The following PPARGC1A variants were observed in gnomAD, a reference collection of about 807,000 sequenced individuals.
PPARGC1A encodes peroxisome proliferator-activated receptor gamma coactivator 1-alpha.
Under a neutral mutation model 88.7 loss-of-function variants are expected in PPARGC1A, and 25 were observed. That is an observed-to-expected ratio of 0.28 (90% confidence interval 0.21 to 0.39). The LOEUF (loss-of-function observed/expected upper bound fraction) is 0.39. PPARGC1A is among the 10% of genes least tolerant of loss of function. The probability of loss-of-function intolerance (pLI) is 1.00; values close to 1 mark genes in which losing one functional copy is unlikely to be tolerated. For missense variants in PPARGC1A, 880 were observed against 968.7 expected (o/e 0.91, Z 1.22); for synonymous variants, 363 against 355.6 (o/e 1.02, Z -0.24).
At chr4:23,831,398 C>G in intron 3 of PPARGC1A, 159 bp downstream of exon 3, 3 of 582,510 alleles carry the variant, frequency 5.2e-6, no homozygotes, top group Non-Finnish European at 8.9e-6. Context: ...CACTTTTAAA[C>G]AGAGAATCAC....
At chr4:23,963,474 A>G in the PPARGC1A span, among the ~76,000 whole-genome samples, 1 of 152,128 alleles carries the variant, frequency 6.6e-6, no homozygotes, top group Non-Finnish European at 1.5e-5. Flanking sequence ...TCATCTATGT[A>G]TAATTTCTGT....
chr4:24,096,188 G>A, the PPARGC1A span, among the ~76,000 whole-genome samples: 77 of 152,150 alleles, frequency 5.1e-4, no homozygotes, highest in Non-Finnish European at 9.1e-4. Context: ...GCCACCATGC[G>A]AAGAAGGCGC....
At chr4:23,952,865 TA>T in the PPARGC1A span, among the ~76,000 whole-genome samples, 2 of 152,090 alleles carry the variant, frequency 1.3e-5, no homozygotes, top group East Asian at 3.9e-4. Flanking sequence ...CCTCTCTCAA[TA>T]GTTCTTTCAT....
chr4:24,207,454 A>AGAAAATGGT, the PPARGC1A span, among the ~76,000 whole-genome samples: 1 of 152,248 alleles, frequency 6.6e-6, no homozygotes, highest in Non-Finnish European at 1.5e-5. Flanking sequence ...TCAGCAAGTC[A>AGAAAATGGT]GAAAATGGTG....
At chr4:24,465,405 C>T in the PPARGC1A span, among the ~76,000 whole-genome samples, 1 of 152,102 alleles carries the variant, frequency 6.6e-6, no homozygotes, top group Non-Finnish European at 1.5e-5. Context: ...TTCAAAAGGA[C>T]CAAAAAGTCA....
chr4:24,181,995 A>C, the PPARGC1A span, among the ~76,000 whole-genome samples: 64 of 151,948 alleles, frequency 4.2e-4, 1 homozygote, highest in African/African-American at 1.5e-3. Context: ...ACTTTTTTTT[A>C]ATTTTACTTT....
intron 2 of PPARGC1A, among the ~76,000 whole-genome samples, chr4:23,833,528 C>T (rs146650778): frequency 1.3e-5 from 2 of 152,320 alleles, no homozygotes; most frequent in East Asian, 3.9e-4. Context: ...AGTACCCACA[C>T]TTCCTTTCTC....
At chr4:23,880,877 G>A (rs999040512) in intron 2 of PPARGC1A, 1 of 152,148 alleles carries the variant, frequency 6.6e-6, no homozygotes, top group East Asian at 1.9e-4. Flanking sequence ...ACCTAGAGAC[G>A]ACTGCATTCT....
the PPARGC1A span, among the ~76,000 whole-genome samples, chr4:24,036,215 G>T: frequency 6.6e-6 from 1 of 152,090 alleles, no homozygotes; most frequent in South Asian, 2.1e-4. Flanking sequence ...TCATCTGCAG[G>T]GCTGACATTT....
chr4:24,408,072 C>A, the PPARGC1A span, among the ~76,000 whole-genome samples: 1 of 151,992 alleles, frequency 6.6e-6, no homozygotes, highest in Admixed American at 6.6e-5. Flanking sequence ...ACATACACAC[C>A]ACCACCCACA....
the PPARGC1A span, among the ~76,000 whole-genome samples, chr4:24,215,332 T>C: frequency 6.6e-6 from 1 of 152,242 alleles, no homozygotes; most frequent in Non-Finnish European, 1.5e-5. Flanking sequence ...TAGTATGCTT[T>C]ATGTGATCAG....
the PPARGC1A span, among the ~76,000 whole-genome samples, chr4:24,270,486 G>A: frequency 6.6e-6 from 1 of 152,032 alleles, no homozygotes; most frequent in African/African-American, 2.4e-5. Flanking sequence ...AATACATACT[G>A]TGGCAATAGT....
At chr4:24,020,367 T>C in the PPARGC1A span, among the ~76,000 whole-genome samples, 1 of 152,198 alleles carries the variant, frequency 6.6e-6, no homozygotes. Flanking sequence ...ATTTTTCCCC[T>C]TGCTTTTTTT....
At chr4:24,103,854 C>T in the PPARGC1A span, among the ~76,000 whole-genome samples, 1 of 152,188 alleles carries the variant, frequency 6.6e-6, no homozygotes, top group South Asian at 2.1e-4. Flanking sequence ...CTCCAAAAAG[C>T]ATCCATTCAT....
At chr4:24,164,774 C>G in the PPARGC1A span, among the ~76,000 whole-genome samples, 1 of 152,076 alleles carries the variant, frequency 6.6e-6, no homozygotes, top group African/African-American at 2.4e-5. Flanking sequence ...TGCTTTGTTC[C>G]TGGTGCACAG....
the PPARGC1A span, among the ~76,000 whole-genome samples, chr4:23,922,137 T>A: frequency 6.6e-6 from 1 of 152,200 alleles, no homozygotes; most frequent in Non-Finnish European, 1.5e-5. Flanking sequence ...CACAAACACC[T>A]AAGATCCTTC....
chr4:24,184,474 G>A, the PPARGC1A span, among the ~76,000 whole-genome samples: 1 of 152,174 alleles, frequency 6.6e-6, no homozygotes, highest in Non-Finnish European at 1.5e-5. Flanking sequence ...ATTGTGGGAG[G>A]TGCCTTAGTT....
chr4:24,047,522 AT>A, the PPARGC1A span, among the ~76,000 whole-genome samples: 1 of 152,200 alleles, frequency 6.6e-6, no homozygotes, highest in Non-Finnish European at 1.5e-5. Context: ...CTTGACCCTC[AT>A]TTTACATAAA....
chr4:24,273,785 C>T, the PPARGC1A span, among the ~76,000 whole-genome samples: 149 of 138,354 alleles, frequency 1.1e-3, no homozygotes, highest in African/African-American at 4.0e-3. Flanking sequence ...GGCTGGAGTG[C>T]AATGGCATGA....
Sources: gnomAD v4.1 joint callset for allele counts (sites outside exome capture counted in the v4.1 genomes callset) on GRCh38, gnomAD v4.1.1 for gene constraint, MANE v1.5 for transcripts, NCBI Gene and HGNC (gene_info 2026-07-23, HGNC 2026-07-21) for gene names.